CMIP: variants seen among roughly 807,000 people sequenced by gnomAD.
CMIP encodes C-Maf-inducing protein.
CMIP carries 13 observed loss-of-function variants against 97.3 expected under a neutral mutation model. That is an observed-to-expected ratio of 0.13 (90% CI 0.09 to 0.21). CMIP has a LOEUF of 0.21. Ranked by LOEUF, CMIP falls within the 10% of genes least tolerant of loss-of-function variation. The pLI is 1.00. For synonymous variants in CMIP, 538 were observed against 436.3 expected, an observed-to-expected ratio of 1.23 and a Z score of -2.91; for missense variants, 847 against 1,024.9, an observed-to-expected ratio of 0.83 and a Z score of 2.37.
rs544943050 is a variant in CMIP at position 81,661,736 on chromosome 16, C to T, written c.744+790C>T. Among the ~76,000 whole-genome samples the T allele has an allele frequency of 4.1e-3, 624 of 152,280 alleles. 2 individuals carry two copies. Among genetic ancestry groups the T allele is most frequent in the Non-Finnish European group, 6.7e-3 (455 of 68,008 alleles). Reference sequence around the variant, plus strand: ...GCTGTGGTGCGCTTGATTTCCCTTGCCGCCCCTTCCCGGCCCCCCACCCCT... The same window carrying T: ...GCTGTGGTGCGCTTGATTTCCCTTGTCGCCCCTTCCCGGCCCCCCACCCCT... On this transcript the variant is annotated intron_variant, in intron 6 of 20. Coordinates refer to ENST00000537098, the MANE Select transcript of CMIP (RefSeq NM_198390.3).
Position 81,652,273 on chromosome 16 carries a change from G to A in CMIP, c.548G>A (p.Arg183Gln), listed in dbSNP as rs1399545689. The A allele has an allele frequency of 5.0e-6, 8 of 1,613,548 alleles. No individual in the cohort carries two copies. Among genetic ancestry groups the A allele is most frequent in the Non-Finnish European group, 6.8e-6 (8 of 1,179,466 alleles). The change falls in exon 4 of 21, where the codon CGG (arginine) becomes CAG (glutamine). Residue 183 changes from arginine to glutamine, a missense_variant. Around this residue, in one of 4 missense-constraint regions of CMIP, gnomAD observed 285 missense variants for 392.2 expected, o/e 0.73. Coordinates refer to ENST00000537098, the MANE Select transcript of CMIP (RefSeq NM_198390.3). This position sits in a 1 kb window ranked among gnomAD's most constrained non-coding sequence, Gnocchi z 5.2. ...SRWEVVLKEI[R>Q]TLVDMALTSP... ...TGGGAAGTTGTCTTGAAAGAGATCC[G>A]GACCCTGGTGGACATGGCCCTGACA... is the stretch of plus-strand genomic sequence containing the variant.
Position 81,652,454 on chromosome 16 carries a change from C to G in CMIP, c.639+90C>G. The G allele has an allele frequency of 2.6e-6, 3 of 1,169,992 alleles. No individual in the cohort carries two copies. Among genetic ancestry groups the G allele is most frequent in the Non-Finnish European group, 3.7e-6 (3 of 811,316 alleles). The allele number at this position is 1,169,992 out of a possible 1,614,324, so 72.5% of individuals were successfully genotyped here. A position where few individuals can be genotyped will look rare whatever the true frequency, so the allele number is the denominator to read the frequency against. On this transcript the variant is annotated intron_variant, in intron 4 of 20. Coordinates refer to ENST00000537098, the MANE Select transcript of CMIP (RefSeq NM_198390.3). This position sits in a 1 kb window ranked among gnomAD's most constrained non-coding sequence, Gnocchi z 5.2. Reference sequence around the variant, plus strand: ...TGCCAAGCAGCAGGCGCAGGCAGAGCTCCGTGTGGGCTGTGTTGTTGCCCT... The same window carrying G: ...TGCCAAGCAGCAGGCGCAGGCAGAGGTCCGTGTGGGCTGTGTTGTTGCCCT...
chr16:81,622,222 C>T (rs747110065), intron 3 of CMIP: 3 of 152,194 alleles, frequency 2.0e-5, no homozygotes, highest in Non-Finnish European at 2.9e-5. Flanking sequence ...AGGCAGGGCT[C>T]AGCTCGACCT....
At position 81,563,565 on chromosome 16, in the gene CMIP, C is replaced by T. The variant is rs577005520; in HGVS notation, c.301-44002C>T. On this transcript the variant is annotated intron_variant, in intron 1 of 20. Transcript: ENST00000537098. Reference sequence around the variant, plus strand: ...TCTGCATGTTTACAAAACCCCCAGGCGATACATGTGCACATTAAAGCTGAG... The same window carrying T: ...TCTGCATGTTTACAAAACCCCCAGGTGATACATGTGCACATTAAAGCTGAG... Among the ~76,000 whole-genome samples, 22 of 152,258 alleles carry T rather than the reference C, an allele frequency of 1.4e-4. No homozygotes were observed. The East Asian group carries it at 3.1e-3, about 21-fold the overall frequency.
intron 3 of CMIP, among the ~76,000 whole-genome samples, chr16:81,640,296 C>T (rs963896796): frequency 6.6e-5 from 10 of 151,150 alleles, no homozygotes; most frequent in South Asian, 2.1e-4. Context: ...GCCCCCCCCC[C>T]CCCAATTCCC....
At chr16:81,471,662 T>C (rs1233458259) in intron 1 of CMIP, among the ~76,000 whole-genome samples, 1 of 152,230 alleles carries the variant, frequency 6.6e-6, no homozygotes, top group Non-Finnish European at 1.5e-5. Flanking sequence ...CCTGAAATGG[T>C]GGAGAGTACT....
chr16:81,487,609 C>T (rs542745301), intron 1 of CMIP, among the ~76,000 whole-genome samples: 3 of 152,204 alleles, frequency 2.0e-5, no homozygotes, highest in Non-Finnish European at 2.9e-5. Context: ...GGTCAGAGAG[C>T]GGCTGAGTTC....
At chr16:81,626,379 CTA>C (rs1043816205) in intron 3 of CMIP, among the ~76,000 whole-genome samples, 3 of 148,082 alleles carry the variant, frequency 2.0e-5, no homozygotes, top group African/African-American at 5.0e-5. Flanking sequence ...TGTGTGGTGA[CTA>C]TTTTATGAGT....
In CMIP at chr16:81,627,321, G is replaced by A. The variant is rs2150968830; in HGVS notation, c.477+6395G>A. 6.6e-6 allele frequency among the ~76,000 whole-genome samples: 1 copy of A among 152,146 alleles called. No individual in the cohort carries two copies. The highest frequency in any genetic ancestry group is 2.1e-4 in the South Asian group (1 of 4,826). Reference sequence around the variant, plus strand: ...GCCTCAGTTTTCTCCTCTGTGGAATGGGGATGATCATGGCGTCTCGTCACT... The same window carrying A: ...GCCTCAGTTTTCTCCTCTGTGGAATAGGGATGATCATGGCGTCTCGTCACT... On this transcript the variant is annotated intron_variant, in intron 3 of 20. Transcript: ENST00000537098. The surrounding 1 kb of genome is among the most constrained non-coding windows in gnomAD (Gnocchi z 4.6).
At chr16:81,482,367 G>A (rs2089239392) in intron 1 of CMIP, among the ~76,000 whole-genome samples, 1 of 152,220 alleles carries the variant, frequency 6.6e-6, no homozygotes, top group Non-Finnish European at 1.5e-5. Context: ...AGGGGAGAGT[G>A]AGGCTGGTGG....
chr16:81,648,704 AC>A (rs2092393015), intron 3 of CMIP, among the ~76,000 whole-genome samples: 1 of 145,028 alleles, frequency 6.9e-6, no homozygotes, highest in South Asian at 2.3e-4. Context: ...AATCACTTGA[AC>A]CTGGGAGGTG....
chr16:81,699,871 C>T, intron 15 of CMIP, 70 bp downstream of exon 15: 3 of 1,087,132 alleles, frequency 2.8e-6, no homozygotes, highest in South Asian at 2.7e-5. Flanking sequence ...GATAGAGCAT[C>T]TGCTGGGAGC....
chr16:81,480,680 A>G (rs919691448), intron 1 of CMIP, among the ~76,000 whole-genome samples: 2 of 152,198 alleles, frequency 1.3e-5, no homozygotes, highest in African/African-American at 4.8e-5. Flanking sequence ...AATAATTAAA[A>G]ACTATCTAAT....
At chr16:81,521,368 G>A (rs1473316349) in intron 1 of CMIP, among the ~76,000 whole-genome samples, 6 of 71,742 alleles carry the variant, frequency 8.4e-5, no homozygotes, top group South Asian at 5.7e-4. Flanking sequence ...TGGTGGCTTC[G>A]CATTTGCCAC....
At chr16:81,678,214 G>C (rs1356917525) in intron 9 of CMIP, 61 bp from the exon 10 acceptor site, 4 of 1,303,538 alleles carry the variant, frequency 3.1e-6, no homozygotes, top group Admixed American at 2.4e-5. Flanking sequence ...TAGTCTGATG[G>C]GTCATGGTGC....
intron 3 of CMIP, among the ~76,000 whole-genome samples, chr16:81,622,408 A>G (rs895678751): frequency 2.0e-5 from 3 of 152,112 alleles, no homozygotes; most frequent in Non-Finnish European, 2.9e-5. Flanking sequence ...GTGCCCGGGT[A>G]CGAGTGTGTC....
chr16:81,560,429 A>C (rs933487903), intron 1 of CMIP, among the ~76,000 whole-genome samples: 20 of 152,118 alleles, frequency 1.3e-4, no homozygotes, highest in African/African-American at 4.8e-4. Context: ...CGTGTTAGCC[A>C]GGATGGTCTT....
intron 1 of CMIP, among the ~76,000 whole-genome samples, chr16:81,530,151 G>A (rs1447959859): frequency 6.6e-6 from 1 of 152,086 alleles, no homozygotes; most frequent in Non-Finnish European, 1.5e-5. Context: ...AAGCCCAGGG[G>A]GAAAATCAGA....
intron 9 of CMIP, among the ~76,000 whole-genome samples, chr16:81,674,174 G>C (rs114273679): frequency 0.01 from 1,586 of 152,282 alleles, 17 homozygotes; most frequent in African/African-American, 0.035. Context: ...AGGAAGTGCA[G>C]GGACTCCAGG....
Sources: allele counts gnomAD v4.1 joint callset (sites outside exome capture counted in the v4.1 genomes callset), GRCh38; gene constraint gnomAD v4.1.1; regional missense constraint gnomAD v4.1.1; non-coding constraint Gnocchi (gnomAD v3.1); transcripts MANE v1.5; gene names NCBI Gene and HGNC (gene_info 2026-07-23, HGNC 2026-07-21).